Variants in ELMO1 observed in about 807,000 individuals in gnomAD.
ELMO1 encodes engulfment and cell motility protein 1.
ELMO1 carries 26 observed loss-of-function variants against 98.9 expected under a neutral mutation model. The ratio of observed to expected loss-of-function variants is 0.26; its 90% CI spans 0.19 to 0.36. The LOEUF (loss-of-function observed/expected upper bound fraction) is 0.36, where lower values mean the gene tolerates loss of function less well. Ranked by LOEUF, ELMO1 falls within the 10% of genes least tolerant of loss-of-function variation. ELMO1 has a pLI of 1.00. For synonymous variants in ELMO1, 346 were observed against 346.0 expected (o/e 1.00, Z 0.00); for missense variants, 627 against 935.2 (o/e 0.67, Z 4.30).
chr7:37,261,493 A>G (rs1474973842), intron 5 of ELMO1, among the ~76,000 whole-genome samples: 1 of 152,156 alleles, frequency 6.6e-6, no homozygotes, highest in Non-Finnish European at 1.5e-5. Flanking sequence ...ACAAGCCCCT[A>G]AGTGTTGCTG....
At chr7:37,335,618 G>A (rs1169429603) in intron 2 of ELMO1, among the ~76,000 whole-genome samples, 1 of 152,138 alleles carries the variant, frequency 6.6e-6, no homozygotes. Context: ...ATACGCAAAT[G>A]AAAATGGGAC....
chr7:37,267,591 C>G (rs976564396), intron 5 of ELMO1, among the ~76,000 whole-genome samples: 1 of 152,236 alleles, frequency 6.6e-6, no homozygotes, highest in African/African-American at 2.4e-5. Flanking sequence ...AGAGGGCATA[C>G]AAATAGATTC....
intron 16 of ELMO1, among the ~76,000 whole-genome samples, chr7:36,953,808 C>T (rs978666702): frequency 6.7e-6 from 1 of 150,304 alleles, no homozygotes; most frequent in Non-Finnish European, 1.5e-5. Context: ...CTCTTCCCTG[C>T]TCCAGTTCTG....
At chr7:36,974,757 G>A (rs1400115331) in intron 16 of ELMO1, among the ~76,000 whole-genome samples, 1 of 152,142 alleles carries the variant, frequency 6.6e-6, no homozygotes, top group Non-Finnish European at 1.5e-5. Flanking sequence ...AATAAGTCTT[G>A]CTACTGCTCA....
At chr7:37,267,689 G>C (rs1170319218) in intron 5 of ELMO1, among the ~76,000 whole-genome samples, 1 of 152,208 alleles carries the variant, frequency 6.6e-6, no homozygotes, top group Non-Finnish European at 1.5e-5. Flanking sequence ...CTCTAAGAGA[G>C]ATTGAACTTC....
intron 14 of ELMO1, among the ~76,000 whole-genome samples, chr7:37,106,205 C>T (rs1254335990): frequency 6.6e-6 from 1 of 152,142 alleles, no homozygotes; most frequent in Non-Finnish European, 1.5e-5. Context: ...AGAAGGAACA[C>T]TGCTATGGTT....
At chr7:37,421,711 T>C (rs1804481089) in intron 1 of ELMO1, among the ~76,000 whole-genome samples, 1 of 152,188 alleles carries the variant, frequency 6.6e-6, no homozygotes, top group South Asian at 2.1e-4. Flanking sequence ...AGTGGAAAAT[T>C]AAAGGCTTTA....
chr7:37,153,628 A>G (rs560266170), intron 13 of ELMO1, among the ~76,000 whole-genome samples: 3 of 152,102 alleles, frequency 2.0e-5, no homozygotes, highest in Admixed American at 2.0e-4. Flanking sequence ...TTCTATGTTC[A>G]CAGTGTAAAC....
chr7:37,318,979 T>C (rs1305791284), intron 2 of ELMO1, among the ~76,000 whole-genome samples: 3 of 152,186 alleles, frequency 2.0e-5, no homozygotes, highest in African/African-American at 4.8e-5. Flanking sequence ...GTCCAACAAA[T>C]CCTTCATAGT....
chr7:36,932,327 A>T (rs1786116448), intron 16 of ELMO1, among the ~76,000 whole-genome samples: 1 of 152,346 alleles, frequency 6.6e-6, no homozygotes, highest in African/African-American at 2.4e-5. Flanking sequence ...ATACGTGATA[A>T]AAGAAAACAA....
At chr7:37,203,677 C>G (rs1258316286) in intron 13 of ELMO1, among the ~76,000 whole-genome samples, 1 of 152,106 alleles carries the variant, frequency 6.6e-6, no homozygotes, top group Non-Finnish European at 1.5e-5. Flanking sequence ...GTGGGACTAG[C>G]CTCAGAGAAG....
chr7:37,092,163 T>C (rs887553274), intron 15 of ELMO1, among the ~76,000 whole-genome samples: 3 of 152,074 alleles, frequency 2.0e-5, no homozygotes, highest in Non-Finnish European at 4.4e-5. Flanking sequence ...AGAGAAAATA[T>C]GTCTTGCTCA....
chr7:36,908,172 T>A (rs1784094615), intron 16 of ELMO1, among the ~76,000 whole-genome samples: 1 of 152,232 alleles, frequency 6.6e-6, no homozygotes, highest in Non-Finnish European at 1.5e-5. Context: ...CTGGTTGTTG[T>A]AAGGACATAG....
intron 2 of ELMO1, among the ~76,000 whole-genome samples, chr7:37,321,896 C>T (rs1340103351): frequency 2.9e-5 from 4 of 138,712 alleles, no homozygotes; most frequent in Admixed American, 7.6e-5. Context: ...CTCCCGTTGT[C>T]GCCCAGGTTG....
At chr7:37,313,724 G>A (rs73691241) in intron 4 of ELMO1, among the ~76,000 whole-genome samples, 2 of 152,070 alleles carry the variant, frequency 1.3e-5, no homozygotes, top group African/African-American at 4.8e-5. Flanking sequence ...GAGTCCTAAG[G>A]GGAAGTAGAA....
chr7:37,045,283 T>G (rs1001711245), intron 15 of ELMO1, among the ~76,000 whole-genome samples: 5 of 152,302 alleles, frequency 3.3e-5, no homozygotes, highest in Admixed American at 1.3e-4. Context: ...AATACACTGC[T>G]GTAAGATGTT....
intron 16 of ELMO1, among the ~76,000 whole-genome samples, chr7:36,923,934 CACAA>C (rs1013637724): frequency 6.6e-6 from 1 of 152,090 alleles, no homozygotes; most frequent in African/African-American, 2.4e-5. Context: ...ACGTGTGGAA[CACAA>C]ACAGTGAGGA....
chr7:37,404,135 G>T (rs1438220037), intron 1 of ELMO1, among the ~76,000 whole-genome samples: 1 of 152,056 alleles, frequency 6.6e-6, no homozygotes, highest in East Asian at 1.9e-4. Flanking sequence ...CCCTAAAATT[G>T]TAATCATTTT....
intron 4 of ELMO1, among the ~76,000 whole-genome samples, chr7:37,294,956 G>A (rs1014240414): frequency 5.3e-5 from 8 of 150,214 alleles, no homozygotes; most frequent in South Asian, 2.1e-4. Context: ...GCCACAATCC[G>A]CCATCGCACT....
Sources: allele counts gnomAD v4.1 joint callset (sites outside exome capture counted in the v4.1 genomes callset), GRCh38; gene constraint gnomAD v4.1.1; transcripts MANE v1.5; gene names NCBI Gene and HGNC (gene_info 2026-07-23, HGNC 2026-07-21).